The following LRRC37A2 variants were observed in gnomAD, a reference collection of about 807,000 sequenced individuals.
LRRC37A2 encodes leucine rich repeat containing 37 member A2.
Under a neutral mutation model 68.8 loss-of-function variants are expected in LRRC37A2, and 9 were observed. The ratio of observed to expected loss-of-function variants is 0.13; its 90% CI spans 0.08 to 0.23. LRRC37A2 has a LOEUF of 0.23. Among genes scored for constraint, LRRC37A2 ranks in the 10% least tolerant of loss-of-function variants. The pLI is 1.00. For missense variants in LRRC37A2, 168 were observed against 950.4 expected (o/e 0.18, Z 10.82); for synonymous variants, 63 against 367.6 (o/e 0.17, Z 9.48).
At chr17:47,020,695 T>C in the LRRC37A2 span, among the ~76,000 whole-genome samples, 1 of 139,294 alleles carries the variant, frequency 7.2e-6, no homozygotes, top group African/African-American at 2.7e-5. Context: ...GGCAGGAGAA[T>C]GGCGTGAACC....
the LRRC37A2 span, among the ~76,000 whole-genome samples, chr17:46,808,512 C>G: frequency 6.6e-6 from 1 of 152,190 alleles, no homozygotes; most frequent in Admixed American, 6.5e-5. Flanking sequence ...GGCTTTAGGT[C>G]CAACAGGGTG....
the LRRC37A2 span, among the ~76,000 whole-genome samples, chr17:47,006,878 A>G: frequency 6.6e-6 from 1 of 152,266 alleles, no homozygotes; most frequent in Non-Finnish European, 1.5e-5. Context: ...TAATGTATCT[A>G]CCAGATCTTT....
At chr17:46,750,904 G>T in the LRRC37A2 span, among the ~76,000 whole-genome samples, 2 of 150,998 alleles carry the variant, frequency 1.3e-5, no homozygotes, top group African/African-American at 4.9e-5. Flanking sequence ...AAATAGAAAT[G>T]TTTTCTTAAT....
the LRRC37A2 span, chr17:46,728,786 CA>C: frequency 1.2e-6 from 1 of 857,786 alleles, no homozygotes; most frequent in African/African-American, 1.8e-5. Flanking sequence ...AAAAAAAAAA[CA>C]AAAACTGAAT....
At chr17:46,586,356 C>A in the LRRC37A2 span, among the ~76,000 whole-genome samples, 1 of 16,872 alleles carries the variant, frequency 5.9e-5, no homozygotes, top group African/African-American at 7.0e-5. Flanking sequence ...TGCAGGTCTT[C>A]ATCTCTCTCT....
the LRRC37A2 span, chr17:46,978,864 G>A: frequency 4.4e-6 from 7 of 1,578,028 alleles, no homozygotes; most frequent in East Asian, 4.6e-5. Context: ...GGACCCCGTC[G>A]CTGGCGGCCA....
the LRRC37A2 span, among the ~76,000 whole-genome samples, chr17:46,972,197 G>A: frequency 6.6e-6 from 1 of 152,156 alleles, no homozygotes; most frequent in Non-Finnish European, 1.5e-5. Context: ...GGCAGGAGGC[G>A]AGACCCTGGC....
the LRRC37A2 span, among the ~76,000 whole-genome samples, chr17:46,816,592 T>C: frequency 2.0e-5 from 3 of 152,288 alleles, no homozygotes; most frequent in East Asian, 5.8e-4. Context: ...TCTAGCATTA[T>C]GTTAGGGCCA....
the LRRC37A2 span, among the ~76,000 whole-genome samples, chr17:46,712,261 A>G: frequency 2.6e-5 from 4 of 152,218 alleles, no homozygotes; most frequent in Non-Finnish European, 2.9e-5. Flanking sequence ...TAATTATGCT[A>G]GCAGTTTTTG....
At chr17:46,773,936 C>T in the LRRC37A2 span, 2 of 1,607,160 alleles carry the variant, frequency 1.2e-6, no homozygotes, top group Admixed American at 1.7e-5. Context: ...GGTAGTAACA[C>T]TGTGGGCACA....
the LRRC37A2 span, among the ~76,000 whole-genome samples, chr17:46,580,110 T>C: frequency 6.7e-6 from 1 of 148,658 alleles, no homozygotes; most frequent in African/African-American, 2.5e-5. Context: ...TAGACATTAG[T>C]TTGGGGCGGT....
intron 3 of LRRC37A2, among the ~76,000 whole-genome samples, chr17:46,519,529 G>A (rs1234015900): frequency 1.5e-5 from 2 of 130,982 alleles, no homozygotes; most frequent in African/African-American, 3.3e-5. Flanking sequence ...TGGCATGCTA[G>A]CAATGATCTT....
the LRRC37A2 span, chr17:46,876,797 G>A: frequency 1.4e-6 from 2 of 1,459,470 alleles, no homozygotes; most frequent in East Asian, 2.5e-5. Flanking sequence ...GGCCCTCTGG[G>A]CAGACTGTCA....
the LRRC37A2 span, among the ~76,000 whole-genome samples, chr17:46,737,951 T>C: frequency 7.4e-6 from 1 of 134,492 alleles, no homozygotes. Flanking sequence ...TTATTATTAT[T>C]AGAGATAGGA....
the LRRC37A2 span, chr17:46,984,071 TGGAA>T: frequency 2.0e-5 from 3 of 152,274 alleles, no homozygotes; most frequent in Admixed American, 6.5e-5. Flanking sequence ...AGCACCTGGC[TGGAA>T]GGGAGAGGGA....
chr17:46,905,780 T>TTGTGTGTGTGTGTGTGTGTGTG, the LRRC37A2 span, among the ~76,000 whole-genome samples: 1 of 117,048 alleles, frequency 8.5e-6, no homozygotes, highest in African/African-American at 3.2e-5. Flanking sequence ...CTCTGTGTGT[T>TTGTGTGTGTGTGTGTGTGTGTG]TGTGTGTGTG....
chr17:46,522,486 C>T (rs2052402950), intron 4 of LRRC37A2, among the ~76,000 whole-genome samples: 1 of 120,380 alleles, frequency 8.3e-6, no homozygotes, highest in African/African-American at 3.3e-5. Context: ...GCTCTGTCGC[C>T]CAGGCTGGAG....
chr17:47,023,576 G>A, the LRRC37A2 span, among the ~76,000 whole-genome samples: 2 of 152,122 alleles, frequency 1.3e-5, no homozygotes, highest in African/African-American at 4.8e-5. Flanking sequence ...ATCTACTTGG[G>A]AAGCTGAGGC....
the LRRC37A2 span, among the ~76,000 whole-genome samples, chr17:47,044,864 T>G: frequency 7.4e-6 from 1 of 135,550 alleles, no homozygotes; most frequent in Non-Finnish European, 1.6e-5. Flanking sequence ...ATATAAAAAT[T>G]AGCCAGGCGT....
Sources: allele counts gnomAD v4.1 joint callset (sites outside exome capture counted in the v4.1 genomes callset), GRCh38; gene constraint gnomAD v4.1.1; transcripts MANE v1.5; gene names NCBI Gene and HGNC (gene_info 2026-07-23, HGNC 2026-07-21).